FAM135B: variants seen among roughly 807,000 people sequenced by gnomAD.
FAM135B encodes the protein protein FAM135B.
FAM135B carries 43 observed loss-of-function variants against 127.7 expected under a neutral mutation model. The observed-to-expected ratio is 0.34, with a 90% CI of 0.26 to 0.43. FAM135B has a LOEUF of 0.43. FAM135B is among the 20% of genes least tolerant of loss of function. FAM135B has a pLI of 1.00. For synonymous variants in FAM135B, 670 were observed against 665.1 expected (o/e 1.01, Z -0.11); for missense variants, 1,558 against 1,725.6 (o/e 0.90, Z 1.72).
intron 9 of FAM135B, among the ~76,000 whole-genome samples, chr8:138,184,197 A>G (rs901378942): frequency 2.0e-5 from 3 of 152,152 alleles, no homozygotes; most frequent in Non-Finnish European, 4.4e-5. Context: ...GCTTGCAGAA[A>G]GATACTGTTT....
At chr8:138,439,085 C>T (rs1441402797) in intron 1 of FAM135B, 1 of 152,142 alleles carries the variant, frequency 6.6e-6, no homozygotes, top group Non-Finnish European at 1.5e-5. Flanking sequence ...GCTCAATTAA[C>T]TTTCATGGAA....
At chr8:138,313,546 A>G (rs1826850349) in intron 2 of FAM135B, among the ~76,000 whole-genome samples, 1 of 150,028 alleles carries the variant, frequency 6.7e-6, no homozygotes, top group African/African-American at 2.5e-5. Context: ...TTGTTTGTTT[A>G]TTTTGAGAGA....
intron 11 of FAM135B, among the ~76,000 whole-genome samples, chr8:138,170,406 G>T (rs991759029): frequency 6.6e-6 from 1 of 151,898 alleles, no homozygotes; most frequent in Non-Finnish European, 1.5e-5. Flanking sequence ...ATTTTTAGTA[G>T]GGACAGGGTT....
At chr8:138,354,505 C>A (rs565387882) in intron 2 of FAM135B, among the ~76,000 whole-genome samples, 2 of 152,090 alleles carry the variant, frequency 1.3e-5, no homozygotes, top group African/African-American at 2.4e-5. Flanking sequence ...CCTGGGTGGG[C>A]GTTTTGGGAG....
At position 138,442,256 on chromosome 8, in the gene FAM135B, A is replaced by ATG. The variant is rs1334496077; in HGVS notation, c.-20+54414_-20+54415insCA. ...GGACACCATATATATATATATATAT[A>ATG]TATATATATATATATATATATGAAA... On this transcript the variant is annotated intron_variant, in intron 1 of 19. Transcript: ENST00000395297. Among the ~76,000 whole-genome samples the ATG allele has an allele frequency of 2.9e-4, 35 of 122,462 alleles. 2 individuals carry two copies. Among genetic ancestry groups the ATG allele is most frequent in the African/African-American group, 9.7e-4 (32 of 33,052 alleles). The allele number at this position is 122,462 out of a possible 152,430, so 80.3% of individuals were successfully genotyped here. A position where few individuals can be genotyped will look rare whatever the true frequency, so the allele number is the denominator to read the frequency against.
chr8:138,195,852 G>T (rs139344530), intron 8 of FAM135B, among the ~76,000 whole-genome samples: 86 of 152,312 alleles, frequency 5.6e-4, no homozygotes, highest in African/African-American at 1.9e-3. Flanking sequence ...GGTCACAGTT[G>T]TGACTGGGTT....
chr8:138,420,356 T>TA (rs1286040489), intron 1 of FAM135B, among the ~76,000 whole-genome samples: 3 of 151,770 alleles, frequency 2.0e-5, no homozygotes, highest in African/African-American at 4.8e-5. Context: ...GAATCAATAA[T>TA]AAAAAATCTA....
intron 15 of FAM135B, among the ~76,000 whole-genome samples, 199 bp from the exon 16 acceptor site, chr8:138,143,308 C>T (rs1298189207): frequency 6.6e-6 from 1 of 152,124 alleles, no homozygotes; most frequent in Non-Finnish European, 1.5e-5. Context: ...CATGGAGATG[C>T]TCAGGAACGC....
chr8:138,360,711 T>C lies in FAM135B; in HGVS notation c.77+7196A>G, dbSNP rs1830366173. On this transcript the variant is annotated intron_variant, in intron 2 of 19. Coordinates refer to ENST00000395297, the MANE Select transcript of FAM135B (RefSeq NM_015912.4). ...TGACACCTCGGTCCCACTGTGAAGA[T>C]TTTTTTTACTTAGTTGGTCTGGAGG... 2.0e-5 allele frequency among the ~76,000 whole-genome samples: 3 copies of C among 152,106 alleles called. No homozygotes were observed. The South Asian group carries it at 6.2e-4, about 32-fold the overall frequency.
chr8:138,384,280 C>T (rs1413406595), intron 1 of FAM135B, among the ~76,000 whole-genome samples: 2 of 152,230 alleles, frequency 1.3e-5, no homozygotes, highest in Admixed American at 6.5e-5. Context: ...CACCTAACAT[C>T]ACTTCCTCCC....
intron 1 of FAM135B, among the ~76,000 whole-genome samples, chr8:138,495,937 A>G (rs192129387): frequency 9.9e-5 from 15 of 152,218 alleles, no homozygotes; most frequent in Admixed American, 9.2e-4. Flanking sequence ...TGTCACTATG[A>G]GCGATGTGAT....
At chr8:138,424,388 G>A (rs755074466) in intron 1 of FAM135B, among the ~76,000 whole-genome samples, 63 of 152,132 alleles carry the variant, frequency 4.1e-4, no homozygotes, top group Non-Finnish European at 7.3e-4. Flanking sequence ...CGGTCCCTCC[G>A]TTCGAGGTCC....
chr8:138,206,729 C>A (rs1404972503), intron 7 of FAM135B, among the ~76,000 whole-genome samples: 1 of 149,752 alleles, frequency 6.7e-6, no homozygotes, highest in Non-Finnish European at 1.5e-5. Flanking sequence ...TCCCCTCTAC[C>A]TACACACAAC....
chr8:138,318,301 C>T (rs528322257), intron 2 of FAM135B, among the ~76,000 whole-genome samples: 1 of 152,250 alleles, frequency 6.6e-6, no homozygotes, highest in Admixed American at 6.5e-5. Flanking sequence ...CCATCAGCAC[C>T]GCCACCAACT....
At chr8:138,387,693 A>G (rs868590182) in intron 1 of FAM135B, among the ~76,000 whole-genome samples, 3 of 152,048 alleles carry the variant, frequency 2.0e-5, no homozygotes, top group Non-Finnish European at 2.9e-5. Context: ...TTATTACCCA[A>G]TTCCACAGAG....
At chr8:138,154,487 A>G (rs1818505960) in intron 12 of FAM135B, among the ~76,000 whole-genome samples, 1 of 152,142 alleles carries the variant, frequency 6.6e-6, no homozygotes, top group South Asian at 2.1e-4. Flanking sequence ...GGTAATAACA[A>G]ACTTCTCCAG....
chr8:138,366,794 G>T (rs1830770556), intron 2 of FAM135B, among the ~76,000 whole-genome samples: 1 of 152,146 alleles, frequency 6.6e-6, no homozygotes, highest in Admixed American at 6.6e-5. Context: ...TCTAGAGATG[G>T]TATCTATTTC....
At chr8:138,383,739 T>C (rs1036988623) in intron 1 of FAM135B, among the ~76,000 whole-genome samples, 2 of 152,218 alleles carry the variant, frequency 1.3e-5, no homozygotes, top group African/African-American at 4.8e-5. Context: ...GACACTCTGA[T>C]TTTTTATTCT....
At chr8:138,223,567 C>T (rs1034005586) in intron 7 of FAM135B, among the ~76,000 whole-genome samples, 1 of 152,108 alleles carries the variant, frequency 6.6e-6, no homozygotes, top group Non-Finnish European at 1.5e-5. Flanking sequence ...TAGGAAGCAG[C>T]CTACAAACAA....
Sources: allele counts gnomAD v4.1 joint callset (sites outside exome capture counted in the v4.1 genomes callset), GRCh38; gene constraint gnomAD v4.1.1; transcripts MANE v1.5; gene names NCBI Gene and HGNC (gene_info 2026-07-23, HGNC 2026-07-21).